Variants in FRAS1 observed in about 807,000 individuals in gnomAD.
FRAS1 encodes the protein extracellular matrix organizing protein FRAS1.
In FRAS1, 290 loss-of-function variants were observed where a neutral mutation model predicts 435.2. The observed-to-expected ratio is 0.67, with a 90% CI of 0.61 to 0.73. The LOEUF (loss-of-function observed/expected upper bound fraction) is 0.73. Among genes scored for constraint, FRAS1 ranks in the 30% least tolerant of loss-of-function variants. The pLI is 0.00. For missense variants in FRAS1, 4,860 were observed against 5,001.5 expected (o/e 0.97, Z 0.85); for synonymous variants, 1,800 against 1,851.0 (o/e 0.97, Z 0.71).
rs1375204830 is a variant in FRAS1, at chr4:78,315,695, C to T, written c.1780C>T (p.Pro594Ser). The change falls in exon 16 of 74, where the codon CCT becomes TCT. Residue 594 changes from proline to serine, a missense_variant. Physicochemically the swap from Pro to Ser is moderately conservative, Grantham distance 74. Coordinates refer to ENST00000512123, the MANE Select transcript of FRAS1 (RefSeq NM_025074.7). ...TGATGGGAAATGCATGTCTGAATGCCCTGGCGGGTACTATGCTGATGCCAC... is the reference window on the plus strand; with the variant it reads ...TGATGGGAAATGCATGTCTGAATGCTCTGGCGGGTACTATGCTGATGCCAC... ...LHDGKCMSECPGGYYADATGR... is the reference protein window; with the variant it reads ...LHDGKCMSECSGGYYADATGR... 2 of 1,613,766 alleles carry T rather than the reference C, an allele frequency of 1.2e-6. No individual in the cohort carries two copies. Among genetic ancestry groups the T allele is most frequent in the African/African-American group, 1.3e-5 (1 of 74,868 alleles).
intron 25 of FRAS1, among the ~76,000 whole-genome samples, chr4:78,375,471 G>A (rs1013446879): frequency 9.2e-5 from 14 of 152,094 alleles, no homozygotes; most frequent in African/African-American, 2.9e-4. Flanking sequence ...TCACTACAAA[G>A]GTCTTTTCTT....
intron 2 of FRAS1, among the ~76,000 whole-genome samples, chr4:78,126,808 C>G (rs1719383141): frequency 6.6e-6 from 1 of 151,996 alleles, no homozygotes; most frequent in South Asian, 2.1e-4. Flanking sequence ...TATAGAGTAC[C>G]ATTAACCAAC....
At chr4:78,230,509 T>C (rs1489365481) in intron 2 of FRAS1, among the ~76,000 whole-genome samples, 1 of 152,226 alleles carries the variant, frequency 6.6e-6, no homozygotes, top group Admixed American at 6.5e-5. Context: ...GGGGAAAGAA[T>C]TGCACTCTAA....
chr4:78,108,345 G>A (rs1449479635), intron 2 of FRAS1, among the ~76,000 whole-genome samples: 2 of 7,902 alleles, frequency 2.5e-4, no homozygotes. Context: ...CCACATAGTT[G>A]GAAGTAAAGC....
intron 29 of FRAS1, among the ~76,000 whole-genome samples, chr4:78,396,207 G>A (rs1732656758): frequency 1.3e-5 from 2 of 152,114 alleles, no homozygotes; most frequent in South Asian, 4.1e-4. Context: ...TAAAGAATTT[G>A]TAGTTATAGT....
At chr4:78,234,635 G>A (rs11725497) in intron 2 of FRAS1, among the ~76,000 whole-genome samples, 86,767 of 152,062 alleles carry the variant, frequency 0.57, 25,715 homozygotes, top group Non-Finnish European at 0.65. Flanking sequence ...GAAATTCAGA[G>A]GTATTCTAAG....
At chr4:78,479,223 A>G in intron 55 of FRAS1, 151 bp from the exon 56 acceptor site, 1 of 461,146 alleles carries the variant, frequency 2.2e-6, no homozygotes, top group South Asian at 8.1e-5. Flanking sequence ...AGGCTCAAAG[A>G]AACTGCAATT....
At chr4:78,442,165 A>G (rs1165735701) in intron 41 of FRAS1, among the ~76,000 whole-genome samples, 1 of 152,250 alleles carries the variant, frequency 6.6e-6, no homozygotes, top group Non-Finnish European at 1.5e-5. Flanking sequence ...GTTTTCCTAC[A>G]GAAGTTTTGG....
At chr4:78,245,451 A>T in intron 4 of FRAS1, 126 bp downstream of exon 4, 1 of 672,326 alleles carries the variant, frequency 1.5e-6, no homozygotes, top group East Asian at 2.8e-5. Context: ...TCTGAAGCCC[A>T]TTTGACTTTC....
At chr4:78,525,955 C>A (rs1721521892) in intron 69 of FRAS1, among the ~76,000 whole-genome samples, 1 of 152,152 alleles carries the variant, frequency 6.6e-6, no homozygotes, top group Non-Finnish European at 1.5e-5. Flanking sequence ...AGGGATGAGG[C>A]TATGGAGTTT....
chr4:78,283,568 T>G (rs1261241657), intron 12 of FRAS1, among the ~76,000 whole-genome samples: 2 of 152,218 alleles, frequency 1.3e-5, no homozygotes, highest in African/African-American at 4.8e-5. Context: ...GCCTATAAGT[T>G]TAGTCTCTCT....
Position 78,299,031 on chromosome 4 carries a change from A to C in FRAS1, c.1535-9035A>C, listed in dbSNP as rs1367390248. On this transcript the variant is annotated intron_variant, in intron 14 of 73. Coordinates refer to ENST00000512123, the MANE Select transcript of FRAS1 (RefSeq NM_025074.7). ...CACAGAAGTAGTGACAACTTAGGAA[A>C]TATAAACAGGAAATTATATATAAAC... is the stretch of plus-strand genomic sequence containing the variant. Among the ~76,000 whole-genome samples, 3 of 152,230 alleles carry C rather than the reference A, an allele frequency of 2.0e-5. 1 individual carries two copies. Among genetic ancestry groups the C allele is most frequent in the African/African-American group, 7.2e-5 (3 of 41,466 alleles).
At chr4:78,196,958 A>G (rs943496341) in intron 2 of FRAS1, among the ~76,000 whole-genome samples, 1 of 152,208 alleles carries the variant, frequency 6.6e-6, no homozygotes, top group South Asian at 2.1e-4. Context: ...GCAGGGAAGT[A>G]TGAAAAACAA....
At chr4:78,277,540 A>T in intron 9 of FRAS1, among the ~76,000 whole-genome samples, 1 of 152,170 alleles carries the variant, frequency 6.6e-6, no homozygotes, top group East Asian at 1.9e-4. Context: ...TACAGATATT[A>T]TATGTTAGTA....
At chr4:78,317,818 T>A (rs1729340940) in intron 17 of FRAS1, among the ~76,000 whole-genome samples, 1 of 152,210 alleles carries the variant, frequency 6.6e-6, no homozygotes, top group Non-Finnish European at 1.5e-5. Flanking sequence ...TTTGCTAATG[T>A]TTTTCTTAGA....
intron 2 of FRAS1, among the ~76,000 whole-genome samples, chr4:78,143,641 G>A (rs372550424): frequency 2.6e-4 from 39 of 151,846 alleles, no homozygotes; most frequent in African/African-American, 9.2e-4. Flanking sequence ...GAAGCCTGTG[G>A]TCCCAGCACT....
intron 2 of FRAS1, among the ~76,000 whole-genome samples, chr4:78,067,317 C>G (rs1173257117): frequency 6.6e-6 from 1 of 151,936 alleles, no homozygotes; most frequent in Non-Finnish European, 1.5e-5. Flanking sequence ...AGTGGTGGAC[C>G]AGAACAAGAC....
intron 2 of FRAS1, among the ~76,000 whole-genome samples, chr4:78,186,705 T>C (rs1225197941): frequency 1.3e-5 from 2 of 152,224 alleles, no homozygotes; most frequent in African/African-American, 2.4e-5. Context: ...GTGTTCTGAT[T>C]AGTTATTTTC....
At chr4:78,150,462 C>A (rs1476771674) in intron 2 of FRAS1, among the ~76,000 whole-genome samples, 3 of 152,136 alleles carry the variant, frequency 2.0e-5, no homozygotes, top group Non-Finnish European at 4.4e-5. Context: ...ATCTTTTCAA[C>A]AGTGATGTTA....
Sources: gnomAD v4.1 joint callset for allele counts (sites outside exome capture counted in the v4.1 genomes callset) on GRCh38, gnomAD v4.1.1 for gene constraint, MANE v1.5 for transcripts, NCBI Gene and HGNC (gene_info 2026-07-23, HGNC 2026-07-21) for gene names.